NLGN4X: variants seen among roughly 807,000 people sequenced by gnomAD.
NLGN4X encodes the protein neuroligin-4, X-linked.
A neutral mutation model predicts 40.3 loss-of-function variants in NLGN4X; 3 were observed. The observed-to-expected ratio is 0.07, with a 90% CI of 0.03 to 0.19. The LOEUF (loss-of-function observed/expected upper bound fraction) is 0.19, where lower values mean the gene tolerates loss of function less well. Ranked by LOEUF, NLGN4X falls within the 10% of genes least tolerant of loss-of-function variation. The pLI is 1.00. For missense variants in NLGN4X, 382 were observed against 708.3 expected, an observed-to-expected ratio of 0.54 and a Z score of 5.23; for synonymous variants, 270 against 306.8, an observed-to-expected ratio of 0.88 and a Z score of 1.25.
intron 1 of NLGN4X, among the ~76,000 whole-genome samples, chrX:6,185,094 G>A (rs921469499): frequency 8.9e-6 from 1 of 112,305 alleles, no homozygotes; most frequent in African/African-American, 3.2e-5. Flanking sequence ...CATCTTCTAC[G>A]TGGCCTGCAC....
At chrX:6,107,995 T>C (rs762696865) in intron 2 of NLGN4X, among the ~76,000 whole-genome samples, 1 of 111,763 alleles carries the variant, frequency 8.9e-6, no homozygotes. Flanking sequence ...CTATTGTAAA[T>C]AGTGATTATT....
intron 3 of NLGN4X, among the ~76,000 whole-genome samples, chrX:5,927,377 A>G (rs965626914): frequency 8.9e-6 from 1 of 111,976 alleles, no homozygotes; most frequent in Non-Finnish European, 1.9e-5. Context: ...AACGACTGGG[A>G]GCAAATTGTA....
chrX:6,013,722 G>A (rs1051660219), intron 3 of NLGN4X, among the ~76,000 whole-genome samples: 1 of 110,295 alleles, frequency 9.1e-6, no homozygotes, highest in Admixed American at 9.7e-5. Context: ...GCTGGGCGTG[G>A]TGGTGCATGT....
intron 2 of NLGN4X, among the ~76,000 whole-genome samples, chrX:6,095,999 C>A (rs754568828): frequency 1.8e-5 from 2 of 112,433 alleles, no homozygotes; most frequent in South Asian, 7.4e-4. Context: ...TATTCTACAG[C>A]ATGAAGCTAA....
intron 1 of NLGN4X, among the ~76,000 whole-genome samples, chrX:6,201,485 G>A (rs1923610524): frequency 8.9e-6 from 1 of 112,123 alleles, no homozygotes; most frequent in Non-Finnish European, 1.9e-5. Flanking sequence ...AATTATTTGT[G>A]AAGATGAAGA....
At chrX:5,968,457 C>CTCTGTGTG (rs1192942244) in intron 3 of NLGN4X, among the ~76,000 whole-genome samples, 2 of 47,020 alleles carry the variant, frequency 4.3e-5, no homozygotes, top group African/African-American at 1.1e-4. Flanking sequence ...CTCTCTCTCT[C>CTCTGTGTG]TGTGTGTGTG....
At chrX:6,048,618 G>C (rs2037388359) in intron 2 of NLGN4X, among the ~76,000 whole-genome samples, 1 of 111,700 alleles carries the variant, frequency 9.0e-6, no homozygotes, top group South Asian at 3.8e-4. Flanking sequence ...TGATTGACTG[G>C]ATAAAGCAAA....
In NLGN4X at chrX:5,896,074, T is replaced by C. The variant is rs113727749; in HGVS notation, c.1602-2408A>G. Among the ~76,000 whole-genome samples the C allele has an allele frequency of 7.0e-3, 786 of 111,738 alleles. 8 individuals carry two copies. The highest frequency in any genetic ancestry group is 0.024 in the African/African-American group (754 of 30,799). On this transcript the variant is annotated intron_variant, in intron 5 of 5. Coordinates refer to ENST00000381095, the MANE Select transcript of NLGN4X (RefSeq NM_181332.3). ...AAGATTCTACCTTTTTTTCCATGGA[T>C]CCAATTTTACTGAATTGGATCTATT...
chrX:6,090,180 C>T (rs1351679777), intron 2 of NLGN4X, among the ~76,000 whole-genome samples: 2 of 111,481 alleles, frequency 1.8e-5, no homozygotes, highest in Non-Finnish European at 3.8e-5. Flanking sequence ...TCATAATAAT[C>T]TCAGGGTTGA....
intron 2 of NLGN4X, among the ~76,000 whole-genome samples, chrX:6,088,520 A>G (rs1453015934): frequency 8.9e-6 from 1 of 112,093 alleles, no homozygotes; most frequent in African/African-American, 3.2e-5. Context: ...TTAATATGGT[A>G]TTATGGTGTT....
At chrX:6,221,965 A>C (rs1448134584) in intron 1 of NLGN4X, among the ~76,000 whole-genome samples, 1 of 111,974 alleles carries the variant, frequency 8.9e-6, no homozygotes, top group African/African-American at 3.3e-5. Flanking sequence ...TCTGCACTTT[A>C]CAAAAACAAA....
intron 2 of NLGN4X, among the ~76,000 whole-genome samples, chrX:6,147,677 G>C (rs113354023): frequency 2.2e-5 from 2 of 90,275 alleles, no homozygotes; most frequent in Admixed American, 1.3e-4. Context: ...CTCTCTCTCT[G>C]TCACATACAC....
rs749574818 is a variant in NLGN4X at position 6,225,689 on chromosome X, C to CTTTTTTTTTTT, written c.-306+2841_-306+2851dup. On this transcript the variant is annotated intron_variant, in intron 1 of 5. Transcript: ENST00000381095. ...TTTCCTTTTTTTTCTTTCTTTTTTT[C>CTTTTTTTTTTT]TTTTTTTTTTTTTTTTTTTTTTTTT... Among the ~76,000 whole-genome samples, 144 of 26,912 alleles carry CTTTTTTTTTTT rather than the reference C, an allele frequency of 5.4e-3. 16 individuals are homozygous for CTTTTTTTTTTT. Among genetic ancestry groups the CTTTTTTTTTTT allele is most frequent in the South Asian group, 0.013 (2 of 154 alleles). 23.4% of individuals were successfully genotyped at this position (26,912 alleles called of 115,157 possible).
chrX:5,892,478 T>C lies in NLGN4X; in HGVS notation c.*339A>G, dbSNP rs947993900. 1 of 248,046 alleles carries C rather than the reference T, an allele frequency of 4.0e-6. No individual in the cohort carries two copies. Among genetic ancestry groups the C allele is most frequent in the Admixed American group, 5.7e-5 (1 of 17,498 alleles). The allele number at this position is 248,046 out of a possible 1,213,427, so 20.4% of individuals were successfully genotyped here. A position where few individuals can be genotyped will look rare whatever the true frequency, so the allele number is the denominator to read the frequency against. ...GTTTCAGAAGTGTCAGCTGCTTCCA[T>C]GACGTTGGAAACACCCGGGGCCTTG... On this transcript the variant is annotated 3_prime_UTR_variant, in exon 6 of 6. Transcript: ENST00000381095.
At chrX:5,915,483 T>C (rs2032744878) in intron 3 of NLGN4X, among the ~76,000 whole-genome samples, 1 of 112,428 alleles carries the variant, frequency 8.9e-6, no homozygotes. Flanking sequence ...ATGAGTTTCA[T>C]GCAAATGAAA....
intron 4 of NLGN4X, among the ~76,000 whole-genome samples, chrX:5,907,451 CA>C (rs1331425257): frequency 1.8e-5 from 2 of 111,864 alleles, no homozygotes; most frequent in East Asian, 5.7e-4. Flanking sequence ...CAGCAGGGCT[CA>C]GGGGTGTGGC....
At chrX:6,080,967 G>A (rs1196693073) in intron 2 of NLGN4X, among the ~76,000 whole-genome samples, 2 of 108,789 alleles carry the variant, frequency 1.8e-5, no homozygotes, top group African/African-American at 3.4e-5. Context: ...CTAAGTAGCT[G>A]AGACTACTAG....
intron 2 of NLGN4X, among the ~76,000 whole-genome samples, chrX:6,052,180 A>G (rs1394855834): frequency 9.0e-6 from 1 of 110,577 alleles, no homozygotes; most frequent in East Asian, 2.8e-4. Context: ...GAGCCTCCCG[A>G]GAGTCATGCT....
intron 1 of NLGN4X, among the ~76,000 whole-genome samples, chrX:6,167,092 GAA>G (rs2040515752): frequency 1.2e-5 from 1 of 82,643 alleles, no homozygotes; most frequent in Admixed American, 1.3e-4. Context: ...AAAAAAAAAA[GAA>G]AGAATAAAAG....
Sources: gnomAD v4.1 joint callset for allele counts (sites outside exome capture counted in the v4.1 genomes callset) on GRCh38, gnomAD v4.1.1 for gene constraint, MANE v1.5 for transcripts, NCBI Gene and HGNC (gene_info 2026-07-23, HGNC 2026-07-21) for gene names.